Variants in VPS35L observed in about 807,000 individuals in gnomAD.
VPS35L encodes the protein VPS35 endosomal protein-sorting factor-like.
In VPS35L, 83 loss-of-function variants were observed where a neutral mutation model predicts 133.0. The ratio of observed to expected loss-of-function variants is 0.62; its 90% confidence interval spans 0.52 to 0.75. The LOEUF is 0.75. Ranked by LOEUF, VPS35L falls within the 30% of genes least tolerant of loss-of-function variation. The pLI is 0.00. For synonymous variants in VPS35L, 423 were observed against 449.9 expected (o/e 0.94, Z 0.76); for missense variants, 1,083 against 1,206.8 (o/e 0.90, Z 1.52).
At chr16:19,691,554 G>A in intron 29 of VPS35L, 83 bp downstream of exon 29, 1 of 1,060,914 alleles carries the variant, frequency 9.4e-7, no homozygotes, top group Non-Finnish European at 1.5e-6. Context: ...GTTCATTCTA[G>A]AAAGGAAACT....
At chr16:19,570,889 A>ATTTTTTTTTTTTTTTTT (rs1489865417) in intron 3 of VPS35L, among the ~76,000 whole-genome samples, 1 of 91,852 alleles carries the variant, frequency 1.1e-5, no homozygotes, top group African/African-American at 4.7e-5. Context: ...ATATATATAT[A>ATTTTTTTTTTTTTTTTT]TTTTTGAGAT....
chr16:19,683,203 A>G (rs968649598), intron 28 of VPS35L, among the ~76,000 whole-genome samples: 2 of 152,134 alleles, frequency 1.3e-5, no homozygotes, highest in African/African-American at 2.4e-5. Flanking sequence ...GATTATAACC[A>G]TGAGCCACCA....
intron 2 of VPS35L, among the ~76,000 whole-genome samples, chr16:19,567,535 G>T (rs1971226066): frequency 1.3e-5 from 2 of 152,130 alleles, no homozygotes; most frequent in Admixed American, 6.6e-5. Context: ...GGAGGAATGG[G>T]TGCCAGGCAG....
At chr16:19,641,450 A>G (rs928423724) in intron 21 of VPS35L, among the ~76,000 whole-genome samples, 1 of 151,584 alleles carries the variant, frequency 6.6e-6, no homozygotes, top group Non-Finnish European at 1.5e-5. Context: ...TTTACAATAT[A>G]TTATTTTTTA....
chr16:19,647,697 CAAT>C (rs1973994128), intron 23 of VPS35L, 84 bp from the exon 24 acceptor site: 3 of 1,014,748 alleles, frequency 3.0e-6, no homozygotes, highest in Non-Finnish European at 4.7e-6. Context: ...GATGAGGTGG[CAAT>C]AATAATATTT....
chr16:19,572,417 C>G (rs530524810), intron 3 of VPS35L, among the ~76,000 whole-genome samples: 2 of 152,288 alleles, frequency 1.3e-5, no homozygotes, highest in Admixed American at 6.5e-5. Flanking sequence ...GACTCCATCT[C>G]TTTGCTGGCA....
chr16:19,639,705 T>G lies in VPS35L; in HGVS notation c.1699-310T>G, dbSNP rs1410577776. On this transcript the variant is annotated intron_variant, in intron 20 of 30. Transcript: ENST00000417362. This position sits in a 1 kb window ranked among gnomAD's most constrained non-coding sequence, Gnocchi z 4.1. Reference sequence around the variant, plus strand: ...CACCATGCCTGGTTTATTTTTGTATTTTTAGTAGAGACAGGGTTTCGCCAT... The same window carrying G: ...CACCATGCCTGGTTTATTTTTGTATGTTTAGTAGAGACAGGGTTTCGCCAT... Among the ~76,000 whole-genome samples the G allele has an allele frequency of 6.6e-6, 1 of 152,096 alleles. No homozygotes were observed. Among genetic ancestry groups the G allele is most frequent in the Admixed American group, 6.6e-5 (1 of 15,262 alleles).
intron 6 of VPS35L, 168 bp downstream of exon 6, chr16:19,579,296 G>T: frequency 1.6e-6 from 1 of 609,000 alleles, no homozygotes. Flanking sequence ...TGTGCAGTTG[G>T]CCGAGCTCAC....
intron 27 of VPS35L, among the ~76,000 whole-genome samples, chr16:19,679,420 T>A (rs1276521655): frequency 6.7e-6 from 1 of 150,322 alleles, no homozygotes; most frequent in Non-Finnish European, 1.5e-5. Context: ...CTAATTTTTT[T>A]TTTTTTTTGT....
chr16:19,602,873 G>C (rs1972428117), intron 9 of VPS35L, among the ~76,000 whole-genome samples: 1 of 151,522 alleles, frequency 6.6e-6, no homozygotes, highest in South Asian at 2.1e-4. Context: ...CAAAGTGCTG[G>C]GATTATAGGC....
At chr16:19,657,581 T>C (rs1295552949) in intron 26 of VPS35L, among the ~76,000 whole-genome samples, 1 of 152,006 alleles carries the variant, frequency 6.6e-6, no homozygotes, top group Non-Finnish European at 1.5e-5. Flanking sequence ...ATCACCTCCA[T>C]GAGGTCCTGT....
chr16:19,682,422 C>T (rs779481146), intron 28 of VPS35L, 32 bp downstream of exon 28: 44 of 1,590,738 alleles, frequency 2.8e-5, no homozygotes, highest in East Asian at 4.5e-5. Context: ...AACCATGCTC[C>T]GCATGGATTT....
intron 26 of VPS35L, among the ~76,000 whole-genome samples, chr16:19,655,462 T>C (rs191797281): frequency 1.4e-4 from 22 of 152,342 alleles, no homozygotes; most frequent in Non-Finnish European, 2.5e-4. Flanking sequence ...CAGCTGGTTA[T>C]AAAATGTCCC....
rs1381014804 is a variant in VPS35L, at chr16:19,639,951, C to T, written c.1699-64C>T. On this transcript the variant is annotated intron_variant, in intron 20 of 30. Transcript: ENST00000417362. This position sits in a 1 kb window ranked among gnomAD's most constrained non-coding sequence, Gnocchi z 4.1. ...CTTTGAACTCCACAGAAAAAGAGAC[C>T]CACAGATTCCTTCCTTCCAATAACT... The T allele has an allele frequency of 1.4e-6, 2 of 1,400,098 alleles. No homozygotes were observed. Among genetic ancestry groups the T allele is most frequent in the Non-Finnish European group, 2.0e-6 (2 of 994,412 alleles). 86.7% of individuals were successfully genotyped at this position (1,400,098 alleles called of 1,614,324 possible).
rs1290665975 is a variant in VPS35L at position 19,691,374 on chromosome 16, A to G, written c.2549A>G (p.Tyr850Cys). The G allele has an allele frequency of 6.2e-7, 1 of 1,613,676 alleles. No homozygotes were observed. The highest frequency in any genetic ancestry group is 1.1e-5 in the South Asian group (1 of 91,074). Residue 850 changes from tyrosine (Y) to cysteine (C), a missense_variant, in exon 29 of 31, where the codon TAC becomes TGC. Tyr to Cys is a radical substitution (Grantham distance 194). Transcript: ENST00000417362. ...IDKVDSNDSLYGGDSKFLAEN... is the reference protein window; with the variant it reads ...IDKVDSNDSLCGGDSKFLAEN... ...ACAGTGGACTCCAACGACAGCCTCT[A>G]CGGGGGAGACTCCAAGTTCCTGGCA...
intron 26 of VPS35L, among the ~76,000 whole-genome samples, chr16:19,653,041 A>T (rs1193229037): frequency 2.0e-5 from 3 of 152,232 alleles, no homozygotes; most frequent in African/African-American, 7.2e-5. Context: ...GCTGAAGCTC[A>T]TTCCCATCTG....
chr16:19,606,711 T>A (rs1972547098), intron 9 of VPS35L, among the ~76,000 whole-genome samples: 1 of 152,248 alleles, frequency 6.6e-6, no homozygotes, highest in African/African-American at 2.4e-5. Flanking sequence ...GCCAACAAGC[T>A]AAGAATCATT....
intron 9 of VPS35L, among the ~76,000 whole-genome samples, chr16:19,605,414 T>A (rs1972510485): frequency 6.6e-6 from 1 of 152,250 alleles, no homozygotes; most frequent in South Asian, 2.1e-4. Flanking sequence ...TTGCCATTCC[T>A]GTGCCCAGAA....
chr16:19,648,500 G>GCAACTCTC (rs1974023884), intron 24 of VPS35L, among the ~76,000 whole-genome samples: 1 of 152,048 alleles, frequency 6.6e-6, no homozygotes, highest in Non-Finnish European at 1.5e-5. Flanking sequence ...TACTTTCTTG[G>GCAACTCTC]ATCATGGCAA....
Sources: allele counts gnomAD v4.1 joint callset (sites outside exome capture counted in the v4.1 genomes callset), GRCh38; gene constraint gnomAD v4.1.1; non-coding constraint Gnocchi (gnomAD v3.1); transcripts MANE v1.5; gene names NCBI Gene and HGNC (gene_info 2026-07-23, HGNC 2026-07-21).